POLB: variants seen among roughly 807,000 people sequenced by gnomAD.
POLB encodes the protein 5'-dRP lyase.
In POLB, 37 loss-of-function variants were observed where a neutral mutation model predicts 52.7. The ratio of observed to expected loss-of-function variants is 0.70; its 90% CI spans 0.54 to 0.92. The LOEUF (loss-of-function observed/expected upper bound fraction) is 0.92, where lower values mean the gene tolerates loss of function less well. Ranked by LOEUF, POLB falls within the 40% of genes least tolerant of loss-of-function variation. POLB has a pLI of 0.00. For synonymous variants in POLB, 138 were observed against 131.3 expected (o/e 1.05, Z -0.35); for missense variants, 313 against 400.8 (o/e 0.78, Z 1.87).
intron 2 of POLB, among the ~76,000 whole-genome samples, chr8:42,344,623 A>G (rs1311741274): frequency 6.6e-6 from 1 of 151,956 alleles, no homozygotes; most frequent in African/African-American, 2.4e-5. Flanking sequence ...TCACGAGGTC[A>G]GGAGATCGAG....
intron 2 of POLB, 143 bp downstream of exon 2, chr8:42,339,212 A>G (rs778485708): frequency 2.8e-4 from 198 of 700,622 alleles, no homozygotes; most frequent in Middle Eastern, 1.5e-3. Flanking sequence ...GTACCTTACT[A>G]TTTCTTGAAG....
intron 2 of POLB, chr8:42,342,312 C>A: frequency 2.0e-6 from 3 of 1,530,770 alleles, no homozygotes; most frequent in East Asian, 2.2e-5. Flanking sequence ...TATTGAGAAG[C>A]CTGTGGGCCA....
chr8:42,365,695 A>G (rs1823993987), intron 11 of POLB, among the ~76,000 whole-genome samples: 2 of 152,228 alleles, frequency 1.3e-5, no homozygotes, highest in Admixed American at 6.5e-5. Context: ...GTAGTTCCAC[A>G]CTACCATGGC....
chr8:42,346,495 C>T (rs1367713690), intron 3 of POLB, among the ~76,000 whole-genome samples: 1 of 151,810 alleles, frequency 6.6e-6, no homozygotes, highest in African/African-American at 2.4e-5. Flanking sequence ...AGCAATCCTC[C>T]CACCTCAGCC....
At chr8:42,358,771 A>G (rs1377218367) in intron 9 of POLB, among the ~76,000 whole-genome samples, 1 of 152,220 alleles carries the variant, frequency 6.6e-6, no homozygotes, top group Non-Finnish European at 1.5e-5. Flanking sequence ...TCTGAGGCCA[A>G]ATCTACCACT....
intron 7 of POLB, 152 bp downstream of exon 7, chr8:42,355,719 A>G: frequency 1.8e-6 from 1 of 566,616 alleles, no homozygotes; most frequent in Non-Finnish European, 3.3e-6. Flanking sequence ...CTTACAGAGT[A>G]TCTGCCTGTG....
At chr8:42,347,147 G>A (rs1042258574) in intron 3 of POLB, among the ~76,000 whole-genome samples, 2 of 151,802 alleles carry the variant, frequency 1.3e-5, no homozygotes, top group Admixed American at 1.3e-4. Flanking sequence ...GAATACAAAG[G>A]TATCCAAAAT....
intron 9 of POLB, among the ~76,000 whole-genome samples, chr8:42,358,326 C>T (rs944311770): frequency 4.0e-5 from 6 of 151,876 alleles, no homozygotes; most frequent in Non-Finnish European, 7.4e-5. Flanking sequence ...CACGGTGAAA[C>T]CCCATCTCTA....
intron 13 of POLB, among the ~76,000 whole-genome samples, chr8:42,370,405 T>TA: frequency 6.6e-6 from 1 of 152,088 alleles, no homozygotes; most frequent in African/African-American, 2.4e-5. Flanking sequence ...GTTTAAAGAA[T>TA]AAGGATTGCT....
At chr8:42,356,507 G>C (rs1823323731) in intron 7 of POLB, among the ~76,000 whole-genome samples, 1 of 152,170 alleles carries the variant, frequency 6.6e-6, no homozygotes, top group Non-Finnish European at 1.5e-5. Context: ...ACAGAGTTGT[G>C]CACAGTGTAG....
At position 42,339,015 on chromosome 8, in the gene POLB, T is replaced by C. The variant is rs1452231640; in HGVS notation, c.65T>C (p.Leu22Pro). Reference protein sequence around the residue: ...NGGITDMLTELANFEKNVSQA... With the variant: ...NGGITDMLTEPANFEKNVSQA... The stretch of plus-strand genomic sequence containing the variant: ...CGAGCCTTCTGTTGCCTTTCAGAAC[T>C]CGCAAACTTTGAGAAGAACGTGAGC... Residue 22 changes from leucine (L) to proline (P), a missense_variant, in exon 2 of 14, where the codon CTC becomes CCC. Physicochemically the swap from Leu to Pro is moderately conservative, Grantham distance 98 (BLOSUM62 -3). Around this residue, in one of 3 missense-constraint regions of POLB, gnomAD observed 54 missense variants for 63.4 expected, o/e 0.85. Coordinates refer to ENST00000265421, the MANE Select transcript of POLB (RefSeq NM_002690.3). 6.2e-7 allele frequency: 1 copy of C among 1,613,744 alleles called. No homozygotes were observed. The highest frequency in any genetic ancestry group is 8.5e-7 in the Non-Finnish European group (1 of 1,179,638).
intron 2 of POLB, 81 bp downstream of exon 2, chr8:42,339,150 A>G: frequency 9.3e-7 from 1 of 1,070,702 alleles, no homozygotes; most frequent in East Asian, 2.4e-5. Context: ...CTGAGGGCCC[A>G]GTGGATATTT....
chr8:42,371,777 C>G lies in POLB; in HGVS notation c.*120C>G. 1 of 648,376 alleles carries G rather than the reference C, an allele frequency of 1.5e-6. No homozygotes were observed. Among genetic ancestry groups the G allele is most frequent in the South Asian group, 1.7e-5 (1 of 59,420 alleles). The allele number at this position is 648,376 out of a possible 1,614,324, so 40.2% of individuals were successfully genotyped here. ...TGTTTCTTCTTCATGCTTTTGCTTGCAATGTAGTCAATAAAACCTCATGTA... is the reference window on the plus strand; with the variant it reads ...TGTTTCTTCTTCATGCTTTTGCTTGGAATGTAGTCAATAAAACCTCATGTA... On this transcript the variant is annotated 3_prime_UTR_variant, in exon 14 of 14. Transcript: ENST00000265421.
rs769472614 is a variant in POLB, at chr8:42,371,630, C to T, written c.981C>T (p.Tyr327=). The change falls in exon 14 of 14, where the codon TAC becomes TAT. Residue 327 remains tyrosine, a synonymous_variant. Transcript: ENST00000265421. ...KDIFDYIQWK[Y]REPKDRSE ...TCTTTGATTACATCCAGTGGAAATA[C>T]CGGGAACCCAAGGACCGGAGCGAAT... The T allele has an allele frequency of 8.1e-6, 13 of 1,612,360 alleles. No homozygotes were observed. The South Asian group carries it at 1.3e-4, about 16-fold the overall frequency.
rs749385556 is a variant in POLB, at chr8:42,371,580, C to A, written c.931C>A (p.Leu311Met). The A allele has an allele frequency of 1.2e-6, 2 of 1,610,720 alleles. No individual in the cohort carries two copies. ...ACTTGCAGGAGTTGCAGGAGAACCC[C>A]TGCCAGTGGATAGTGAAAAAGACAT... is the stretch of plus-strand genomic sequence containing the variant. Reference protein sequence around the residue: ...LGVTGVAGEPLPVDSEKDIFD... With the variant: ...LGVTGVAGEPMPVDSEKDIFD... The change falls in exon 14 of 14, where the codon CTG becomes ATG. Residue 311 changes from leucine (L) to methionine (M), a missense_variant. Coordinates refer to ENST00000265421, the MANE Select transcript of POLB (RefSeq NM_002690.3).
chr8:42,363,901 CAGAT>C (rs1195571663), intron 11 of POLB, among the ~76,000 whole-genome samples: 1 of 148,638 alleles, frequency 6.7e-6, no homozygotes, highest in Non-Finnish European at 1.5e-5. Context: ...AACAGGAAGG[CAGAT>C]AGAAATCTAG....
chr8:42,339,017 G>T lies in POLB; in HGVS notation c.67G>T (p.Ala23Ser), dbSNP rs746694602. The T allele has an allele frequency of 1.7e-5, 28 of 1,613,502 alleles. No homozygotes were observed. Among genetic ancestry groups the T allele is most frequent in the Non-Finnish European group, 2.1e-5 (25 of 1,179,470 alleles). Residue 23 changes from alanine (A) to serine (S), a missense_variant, in exon 2 of 14, where the codon GCA (alanine) becomes TCA (serine). Ala to Ser is a moderately conservative substitution (Grantham distance 99, BLOSUM62 1). Transcript: ENST00000265421. ...GGITDMLTEL[A>S]NFEKNVSQAI... ...AGCCTTCTGTTGCCTTTCAGAACTC[G>T]CAAACTTTGAGAAGAACGTGAGCCA...
Position 42,349,217 on chromosome 8 carries a change from T to G in POLB, c.261+127T>G. 6 of 570,110 alleles carry G rather than the reference T, an allele frequency of 1.1e-5. No individual in the cohort carries two copies. In the South Asian group the frequency reaches 1.4e-4, roughly 14 times the overall value. The allele number at this position is 570,110 out of a possible 1,614,324, so 35.3% of individuals were successfully genotyped here. A position where few individuals can be genotyped will look rare whatever the true frequency, so the allele number is the denominator to read the frequency against. On this transcript the variant is annotated intron_variant, in intron 4 of 13. Transcript: ENST00000265421. ...CTCACAGGAAATGAGGTGAGTGAAGTTGATGGCTTTAACTTTTTGAATGTT... is the reference window on the plus strand; with the variant it reads ...CTCACAGGAAATGAGGTGAGTGAAGGTGATGGCTTTAACTTTTTGAATGTT...
intron 6 of POLB, 22 bp from the exon 7 acceptor site, chr8:42,355,494 A>G (rs751025465): frequency 7.2e-7 from 1 of 1,397,692 alleles, no homozygotes. Flanking sequence ...TAACATGTCA[A>G]CTTTATTTAT....
Sources: gnomAD v4.1 joint callset for allele counts (sites outside exome capture counted in the v4.1 genomes callset) on GRCh38, gnomAD v4.1.1 for gene constraint, gnomAD v4.1.1 regional missense constraint, MANE v1.5 for transcripts, NCBI Gene and HGNC (gene_info 2026-07-23, HGNC 2026-07-21) for gene names.